DISC1: variants seen among roughly 807,000 people sequenced by gnomAD.
The protein encoded by DISC1 is DISC1 scaffold protein.
DISC1 carries 57 observed loss-of-function variants against 84.5 expected under a neutral mutation model. The ratio of observed to expected loss-of-function variants is 0.67; its 90% CI spans 0.55 to 0.84. The LOEUF (loss-of-function observed/expected upper bound fraction) is 0.84. Among genes scored for constraint, DISC1 ranks in the 40% least tolerant of loss-of-function variants. DISC1 has a pLI of 0.00. For missense variants in DISC1, 1,000 were observed against 1,057.8 expected (o/e 0.95, Z 0.76); for synonymous variants, 411 against 415.2 (o/e 0.99, Z 0.12).
intron 9 of DISC1, among the ~76,000 whole-genome samples, chr1:231,933,983 G>C (rs2090829287): frequency 6.6e-6 from 1 of 152,166 alleles, no homozygotes; most frequent in Non-Finnish European, 1.5e-5. Context: ...TTATTGTTGT[G>C]AACATAGGCC....
chr1:231,781,738 C>CTATT (rs34388932), intron 6 of DISC1, among the ~76,000 whole-genome samples: 22,377 of 152,076 alleles, frequency 0.15, 1,927 homozygotes, highest in Middle Eastern at 0.22. Flanking sequence ...TTGTATGTTA[C>CTATT]TATTCCCTGC....
Position 232,038,888 on chromosome 1 carries a change from C to G in DISC1, c.*2057C>G, listed in dbSNP as rs1324503965. On this transcript the variant is annotated 3_prime_UTR_variant, in exon 13 of 13. Transcript: ENST00000439617. The stretch of plus-strand genomic sequence containing the variant: ...TCACACTGGCGTTTCCAGAAGGCAT[C>G]TGGTGCTTTGCTCAGCCTTCCATGC... The G allele has an allele frequency of 6.6e-6, 1 of 152,174 alleles. No individual in the cohort carries two copies. The highest frequency in any genetic ancestry group is 1.9e-4 in the East Asian group (1 of 5,184). The allele number at this position is 152,174 out of a possible 1,614,324, so 9.4% of individuals were successfully genotyped here.
chr1:231,752,201 A>G (rs57125815), intron 4 of DISC1, among the ~76,000 whole-genome samples: 4,715 of 152,290 alleles, frequency 0.031, 171 homozygotes, highest in African/African-American at 0.084. Context: ...TCACATTGCT[A>G]TAAAGAAATA....
intron 8 of DISC1, among the ~76,000 whole-genome samples, chr1:231,817,602 A>G (rs1046902933): frequency 5.9e-5 from 9 of 152,222 alleles, no homozygotes; most frequent in African/African-American, 2.2e-4. Flanking sequence ...GAGCTCTTGC[A>G]CATATTTAAA....
intron 1 of DISC1, among the ~76,000 whole-genome samples, chr1:231,653,687 C>T (rs375051249): frequency 2.6e-5 from 4 of 152,154 alleles, no homozygotes; most frequent in Admixed American, 6.5e-5. Flanking sequence ...ACACAGAACA[C>T]ACCCCTCCCA....
chr1:231,779,681 G>T (rs1290108029), intron 6 of DISC1, among the ~76,000 whole-genome samples: 1 of 147,206 alleles, frequency 6.8e-6, no homozygotes, highest in Non-Finnish European at 1.5e-5. Flanking sequence ...TGCCTCAGCC[G>T]CCGGAGTAGC....
chr1:231,818,537 TC>T lies in DISC1; in HGVS notation c.1981+24del. The T allele has an allele frequency of 6.2e-7, 1 of 1,613,786 alleles. No individual in the cohort carries two copies. Among genetic ancestry groups the T allele is most frequent in the Non-Finnish European group, 8.5e-7 (1 of 1,179,820 alleles). ...CCTATGGTAGGTAGTGCACAACTGT[TC>T]CCCGGCAAGATATTGATGATATTTG... On this transcript the variant is annotated intron_variant, in intron 9 of 12. Coordinates refer to ENST00000439617, the MANE Select transcript of DISC1 (RefSeq NM_018662.3).
chr1:231,724,884 A>G (rs1175083285), intron 3 of DISC1, among the ~76,000 whole-genome samples: 4 of 152,182 alleles, frequency 2.6e-5, no homozygotes, highest in Non-Finnish European at 5.9e-5. Context: ...TGTTGTTACA[A>G]ATGAAAAGGC....
chr1:231,771,703 C>T, intron 6 of DISC1: 15 of 517,728 alleles, frequency 2.9e-5, no homozygotes, highest in Non-Finnish European at 3.7e-5. Flanking sequence ...TTCATTAATT[C>T]TGAAGCCCGG....
At chr1:232,024,123 T>C (rs1323658162) in intron 11 of DISC1, among the ~76,000 whole-genome samples, 1 of 152,010 alleles carries the variant, frequency 6.6e-6, no homozygotes, top group Non-Finnish European at 1.5e-5. Context: ...ACCACTGTTA[T>C]GGTCAATTTT....
chr1:232,005,917 A>T (rs1176441784), intron 10 of DISC1, among the ~76,000 whole-genome samples: 2 of 96,794 alleles, frequency 2.1e-5, no homozygotes, highest in Admixed American at 2.5e-4. Context: ...ATATATTTTC[A>T]TTGAAAATTC....
intron 1 of DISC1, among the ~76,000 whole-genome samples, chr1:231,655,807 G>A (rs1006086587): frequency 6.6e-6 from 1 of 152,070 alleles, no homozygotes; most frequent in Non-Finnish European, 1.5e-5. Context: ...TTGGGATAAG[G>A]TGGTTTCTCA....
At chr1:231,943,460 T>A (rs949092171) in intron 9 of DISC1, among the ~76,000 whole-genome samples, 1 of 152,232 alleles carries the variant, frequency 6.6e-6, no homozygotes, top group African/African-American at 2.4e-5. Flanking sequence ...GGGGTGTCCC[T>A]AGTTATCTGA....
chr1:231,686,864 A>T (rs1051519445), intron 1 of DISC1, among the ~76,000 whole-genome samples: 1 of 152,030 alleles, frequency 6.6e-6, no homozygotes, highest in Non-Finnish European at 1.5e-5. Flanking sequence ...CTGCTTGGAA[A>T]TTTCTTCCGC....
intron 10 of DISC1, among the ~76,000 whole-genome samples, chr1:231,992,381 C>T (rs1665323603): frequency 6.6e-6 from 1 of 152,078 alleles, no homozygotes. Flanking sequence ...TCTTGACTTT[C>T]AAAACTCTTT....
At chr1:232,016,563 C>T (rs1558839623) in intron 11 of DISC1, among the ~76,000 whole-genome samples, 1 of 152,198 alleles carries the variant, frequency 6.6e-6, no homozygotes, top group Admixed American at 6.5e-5. Flanking sequence ...AGTTCACATC[C>T]TCTTGCATGA....
At chr1:232,025,636 G>A (rs371540072) in intron 11 of DISC1, among the ~76,000 whole-genome samples, 5 of 143,652 alleles carry the variant, frequency 3.5e-5, no homozygotes, top group East Asian at 2.0e-4. Context: ...TCGCTCTGTC[G>A]CCCAGGCTGG....
intron 9 of DISC1, among the ~76,000 whole-genome samples, chr1:231,886,221 T>C (rs1346903848): frequency 6.6e-6 from 1 of 152,176 alleles, no homozygotes; most frequent in Non-Finnish European, 1.5e-5. Flanking sequence ...CACATTAACT[T>C]TGGGGACACA....
chr1:231,872,268 A>G (rs998076751), intron 9 of DISC1, among the ~76,000 whole-genome samples: 1 of 151,774 alleles, frequency 6.6e-6, no homozygotes, highest in African/African-American at 2.4e-5. Context: ...TGTTTTTTTA[A>G]TCTCCCATCT....
Sources: allele counts gnomAD v4.1 joint callset (sites outside exome capture counted in the v4.1 genomes callset), GRCh38; gene constraint gnomAD v4.1.1; transcripts MANE v1.5; gene names NCBI Gene and HGNC (gene_info 2026-07-23, HGNC 2026-07-21).